STX12: variants seen among roughly 807,000 people sequenced by gnomAD.
The protein encoded by STX12 is syntaxin-12.
In STX12, 17 loss-of-function variants were observed where a neutral mutation model predicts 42.2. The observed-to-expected ratio is 0.40, with a 90% CI of 0.28 to 0.60. The LOEUF (loss-of-function observed/expected upper bound fraction) is 0.60. Ranked by LOEUF, STX12 falls within the 20% of genes least tolerant of loss-of-function variation. The pLI is 0.39. For synonymous variants in STX12, 108 were observed against 116.7 expected (o/e 0.93, Z 0.48); for missense variants, 297 against 330.9 (o/e 0.90, Z 0.79).
intron 2 of STX12, among the ~76,000 whole-genome samples, chr1:27,792,096 A>T (rs1207919572): frequency 1.5e-5 from 2 of 135,474 alleles, no homozygotes; most frequent in Admixed American, 7.4e-5. Context: ...TATAAATATA[A>T]AATATATAGT....
intron 4 of STX12, chr1:27,809,983 T>C: frequency 3.3e-6 from 1 of 303,996 alleles, no homozygotes; most frequent in South Asian, 1.2e-4. Flanking sequence ...TATTTTTATT[T>C]TTAGCCCTTT....
At position 27,793,521 on chromosome 1, in the gene STX12, T is replaced by A. The variant is rs762531173; in HGVS notation, c.189-12T>A. The A allele has an allele frequency of 8.7e-6, 14 of 1,611,598 alleles. No homozygotes were observed. The highest frequency in any genetic ancestry group is 1.2e-5 in the Non-Finnish European group (14 of 1,177,914). ...AGTGACAACATCCTGAAACATATCT[T>A]TTCTCTCTTAGGCAACAGTTACAAC... On this transcript the variant is annotated splice_polypyrimidine_tract_variant and intron_variant, in intron 2 of 8. Transcript: ENST00000373943.
intron 1 of STX12, among the ~76,000 whole-genome samples, chr1:27,779,555 C>G (rs2148596463): frequency 6.6e-6 from 1 of 152,126 alleles, no homozygotes; most frequent in Middle Eastern, 3.4e-3. Flanking sequence ...TGGTCTCGAA[C>G]TCCTGACCTC....
chr1:27,805,000 G>A (rs1028320790), intron 4 of STX12, among the ~76,000 whole-genome samples: 6 of 152,234 alleles, frequency 3.9e-5, no homozygotes, highest in South Asian at 2.1e-4. Flanking sequence ...GAATGAGTGC[G>A]GAGAGAAGGG....
intron 3 of STX12, among the ~76,000 whole-genome samples, chr1:27,796,633 C>A (rs2088787393): frequency 6.6e-6 from 1 of 152,112 alleles, no homozygotes; most frequent in South Asian, 2.1e-4. Flanking sequence ...CTCAAGCAAT[C>A]CTCTCTCCTC....
intron 1 of STX12, among the ~76,000 whole-genome samples, chr1:27,784,811 A>G (rs1331373724): frequency 6.6e-6 from 1 of 152,182 alleles, no homozygotes. Flanking sequence ...TAAAGAAAAT[A>G]TCTTAATATT....
chr1:27,800,488 G>GGT (rs57488710), intron 3 of STX12, among the ~76,000 whole-genome samples: 3,503 of 140,930 alleles, frequency 0.025, 58 homozygotes, highest in South Asian at 0.059. Flanking sequence ...GTCAGTATGT[G>GGT]GTGTGTGTGT....
At chr1:27,779,312 C>T (rs912597672) in intron 1 of STX12, among the ~76,000 whole-genome samples, 3 of 151,508 alleles carry the variant, frequency 2.0e-5, no homozygotes, top group Non-Finnish European at 4.4e-5. Flanking sequence ...TCTATTGAAT[C>T]AGATGGTTTT....
At chr1:27,796,474 C>T (rs1441946178) in intron 3 of STX12, among the ~76,000 whole-genome samples, 2 of 152,164 alleles carry the variant, frequency 1.3e-5, no homozygotes, top group African/African-American at 4.8e-5. Flanking sequence ...TCACTGTAGC[C>T]TCAACCTCCC....
At chr1:27,817,541 C>T (rs142439893) in intron 6 of STX12, among the ~76,000 whole-genome samples, 1 of 152,342 alleles carries the variant, frequency 6.6e-6, no homozygotes, top group African/African-American at 2.4e-5. Context: ...GCAGTCTCCA[C>T]ATAGGGCTAT....
intron 3 of STX12, among the ~76,000 whole-genome samples, chr1:27,794,047 CAG>C (rs1294181804): frequency 6.7e-6 from 1 of 150,112 alleles, no homozygotes; most frequent in Admixed American, 6.7e-5. Flanking sequence ...GTTTTGGAGA[CAG>C]GGTCTCCCTC....
At chr1:27,776,848 G>A (rs529158645) in intron 1 of STX12, among the ~76,000 whole-genome samples, 3 of 152,320 alleles carry the variant, frequency 2.0e-5, no homozygotes, top group East Asian at 1.9e-4. Context: ...ACCTGAAGCC[G>A]TGGTGCTTTC....
At chr1:27,807,050 G>A (rs545015311) in intron 4 of STX12, among the ~76,000 whole-genome samples, 5 of 152,058 alleles carry the variant, frequency 3.3e-5, no homozygotes, top group African/African-American at 1.2e-4. Context: ...CACTACCATT[G>A]CCTTTTTTTA....
rs571564289 is a variant in STX12, at chr1:27,792,186, C to T, written c.189-1347C>T. Among the ~76,000 whole-genome samples the T allele has an allele frequency of 2.4e-4, 23 of 94,654 alleles. 1 individual carries two copies. Among genetic ancestry groups the T allele is most frequent in the Admixed American group, 2.3e-3 (23 of 9,846 alleles). 62.1% of individuals were successfully genotyped at this position (94,654 alleles called of 152,430 possible). On this transcript the variant is annotated intron_variant, in intron 2 of 8. Transcript: ENST00000373943. The stretch of plus-strand genomic sequence containing the variant: ...TATATGTATATACATATATATGTAT[C>T]TATATATGTATATACATATATATGT...
intron 8 of STX12, 59 bp from the exon 9 acceptor site, chr1:27,822,172 T>A (rs2088989169): frequency 9.7e-7 from 1 of 1,029,174 alleles, no homozygotes; most frequent in Non-Finnish European, 1.5e-6. Context: ...TCTTAGAGTC[T>A]TACACATACA....
rs1043682591 is a variant in STX12 at position 27,823,603 on chromosome 1, T to G, written c.*1274T>G. 2.0e-5 allele frequency: 3 copies of G among 152,658 alleles called. No homozygotes were observed. Among genetic ancestry groups the G allele is most frequent in the African/African-American group, 7.2e-5 (3 of 41,466 alleles). The allele number at this position is 152,658 out of a possible 1,614,324, so 9.5% of individuals were successfully genotyped here. A position where few individuals can be genotyped will look rare whatever the true frequency, so the allele number is the denominator to read the frequency against. On this transcript the variant is annotated 3_prime_UTR_variant, in exon 9 of 9. Transcript: ENST00000373943. ...TCATCCTTTAGTGAATTAGAGGATT[T>G]GGCTACCCTGAGTATATTTATATTC... is the stretch of plus-strand genomic sequence containing the variant.
chr1:27,812,270 T>TGA lies in STX12; in HGVS notation c.576+6_576+7dup. On this transcript the variant is annotated splice_region_variant and intron_variant, in intron 6 of 8. Transcript: ENST00000373943. ...GAAACGGCAATTCGGCAGCTGGAGG[T>TGA]GAGAGCCACGTCATGTTTTTTGTTT... is the stretch of plus-strand genomic sequence containing the variant. 6.4e-7 allele frequency: 1 copy of TGA among 1,552,866 alleles called. No individual in the cohort carries two copies. The highest frequency in any genetic ancestry group is 1.8e-4 in the Middle Eastern group (1 of 5,504).
intron 1 of STX12, among the ~76,000 whole-genome samples, chr1:27,785,522 G>A (rs2088693497): frequency 6.6e-6 from 1 of 152,164 alleles, no homozygotes; most frequent in African/African-American, 2.4e-5. Context: ...TTACATAGTT[G>A]TAAGGATTTA....
chr1:27,779,192 T>C (rs1404470124), intron 1 of STX12, among the ~76,000 whole-genome samples: 1 of 152,196 alleles, frequency 6.6e-6, no homozygotes, highest in Non-Finnish European at 1.5e-5. Context: ...TCTCTGATTA[T>C]GGTCTTGCCC....
Sources: allele counts gnomAD v4.1 joint callset (sites outside exome capture counted in the v4.1 genomes callset), GRCh38; gene constraint gnomAD v4.1.1; transcripts MANE v1.5; gene names NCBI Gene and HGNC (gene_info 2026-07-23, HGNC 2026-07-21).